GPR173: variants seen among roughly 807,000 people sequenced by gnomAD.
The protein encoded by GPR173 is probable G protein-coupled receptor 173.
GPR173 carries 2 observed loss-of-function variants against 13.9 expected under a neutral mutation model. That is an observed-to-expected ratio of 0.14 (90% CI 0.06 to 0.45). The LOEUF (loss-of-function observed/expected upper bound fraction) is 0.45, where lower values mean the gene tolerates loss of function less well. Ranked by LOEUF, GPR173 falls within the 20% of genes least tolerant of loss-of-function variation. The pLI is 0.98. For synonymous variants in GPR173, 131 were observed against 141.0 expected, an observed-to-expected ratio of 0.93 and a Z score of 0.50; for missense variants, 202 against 340.5, an observed-to-expected ratio of 0.59 and a Z score of 3.20.
intron 1 of GPR173, among the ~76,000 whole-genome samples, chrX:53,056,451 A>G (rs73208449): frequency 0.13 from 14,552 of 108,313 alleles, 829 homozygotes; most frequent in South Asian, 0.23. Context: ...ATGAATCAGG[A>G]TGTGTATATC....
chrX:53,076,589 C>A lies in GPR173; in HGVS notation c.-33C>A. ...CCATCGAGTACCGGACTGGCTGACC[C>A]CCTAGGGTTGGCAGTAGCCCCTGAC... On this transcript the variant is annotated 5_prime_UTR_variant, in exon 2 of 2. Transcript: ENST00000332582. 1 of 1,152,144 alleles carries A rather than the reference C, an allele frequency of 8.7e-7. No individual in the cohort carries two copies. The highest frequency in any genetic ancestry group is 2.0e-5 in the South Asian group (1 of 49,563). 94.9% of individuals were successfully genotyped at this position (1,152,144 alleles called of 1,213,427 possible). A position where few individuals can be genotyped will look rare whatever the true frequency, so the allele number is the denominator to read the frequency against.
intron 1 of GPR173, among the ~76,000 whole-genome samples, chrX:53,050,526 G>A (rs907242049): frequency 5.3e-5 from 6 of 112,186 alleles, no homozygotes; most frequent in African/African-American, 1.9e-4. Flanking sequence ...GCCACTTACC[G>A]AACCTCAGTT....
In GPR173 at chrX:53,064,110, T is replaced by C. The variant is rs781920135; in HGVS notation, c.-97-12415T>C. Among the ~76,000 whole-genome samples, 5 of 111,688 alleles carry C rather than the reference T, an allele frequency of 4.5e-5. No individual in the cohort carries two copies. In the East Asian group the frequency reaches 1.1e-3, roughly 25 times the overall value. On this transcript the variant is annotated intron_variant, in intron 1 of 1. Transcript: ENST00000332582. ...CTCTATTTATGGCTTTACAGGCTTT[T>C]TCTAGCCTGCTCCTCCATATTCTTT...
intron 1 of GPR173, among the ~76,000 whole-genome samples, chrX:53,052,269 A>AAC (rs202152352): frequency 1.8e-5 from 2 of 110,949 alleles, no homozygotes; most frequent in Non-Finnish European, 3.8e-5. Context: ...TGCACACAAA[A>AAC]ACACACACAC....
At position 53,080,210 on chromosome X, in the gene GPR173, A is replaced by C. The variant is rs1932514955; in HGVS notation, c.*2467A>C. The C allele has an allele frequency of 8.2e-6, 1 of 121,744 alleles. No homozygotes were observed. Among genetic ancestry groups the C allele is most frequent in the Non-Finnish European group, 1.9e-5 (1 of 52,822 alleles). 10.0% of individuals were successfully genotyped at this position (121,744 alleles called of 1,213,427 possible). A position where few individuals can be genotyped will look rare whatever the true frequency, so the allele number is the denominator to read the frequency against. On this transcript the variant is annotated 3_prime_UTR_variant, in exon 2 of 2. Coordinates refer to ENST00000332582, the MANE Select transcript of GPR173 (RefSeq NM_018969.6). Reference sequence around the variant, plus strand: ...CTAGGGGCCACTGTATGCAGCTGGGACTTTGGTCAGCTTTGACCAAATTTA... The same window carrying C: ...CTAGGGGCCACTGTATGCAGCTGGGCCTTTGGTCAGCTTTGACCAAATTTA...
Position 53,077,974 on chromosome X carries a change from T to A in GPR173, c.*231T>A, listed in dbSNP as rs1287797458. ...TTTTGTGGGGCCTGTCTCCGCTGCC[T>A]CCTTCTCCACTTCTACAATCTCATT... On this transcript the variant is annotated 3_prime_UTR_variant, in exon 2 of 2. Coordinates refer to ENST00000332582, the MANE Select transcript of GPR173 (RefSeq NM_018969.6). The A allele has an allele frequency of 2.5e-6, 1 of 399,755 alleles. No homozygotes were observed. Among genetic ancestry groups the A allele is most frequent in the African/African-American group, 2.6e-5 (1 of 38,805 alleles). 32.9% of individuals were successfully genotyped at this position (399,755 alleles called of 1,213,427 possible). A position where few individuals can be genotyped will look rare whatever the true frequency, so the allele number is the denominator to read the frequency against.
chrX:53,049,740 T>A (rs2146669540), intron 1 of GPR173, among the ~76,000 whole-genome samples: 1 of 112,042 alleles, frequency 8.9e-6, no homozygotes, highest in East Asian at 2.8e-4. Flanking sequence ...TCTGTTTTTA[T>A]CATCATGGTT....
intron 1 of GPR173, among the ~76,000 whole-genome samples, chrX:53,067,358 A>G: frequency 9.0e-6 from 1 of 111,552 alleles, no homozygotes; most frequent in African/African-American, 3.3e-5. Flanking sequence ...TAATCATACA[A>G]CCCTGTCACT....
chrX:53,070,154 T>G (rs1050173346), intron 1 of GPR173, among the ~76,000 whole-genome samples: 5 of 111,786 alleles, frequency 4.5e-5, no homozygotes, highest in Admixed American at 1.9e-4. Flanking sequence ...ATCTGTGTTG[T>G]GTCTGAATAT....
chrX:53,052,956 G>A (rs1346433866), intron 1 of GPR173, among the ~76,000 whole-genome samples: 1 of 111,537 alleles, frequency 9.0e-6, no homozygotes, highest in Non-Finnish European at 1.9e-5. Context: ...GTACATGTGT[G>A]TGAATATACC....
Position 53,078,026 on chromosome X carries a change from C to G in GPR173, c.*283C>G, listed in dbSNP as rs894004657. The G allele has an allele frequency of 2.0e-4, 63 of 316,306 alleles. No individual in the cohort carries two copies. Among genetic ancestry groups the G allele is most frequent in the African/African-American group, 1.4e-3 (50 of 36,518 alleles). 26.1% of individuals were successfully genotyped at this position (316,306 alleles called of 1,213,427 possible). A position where few individuals can be genotyped will look rare whatever the true frequency, so the allele number is the denominator to read the frequency against. ...TCTCTCTCTCTCTCTCTGTCTCTCT[C>G]TCTCTCTCTCTCTCTCTCTCAGAAG... On this transcript the variant is annotated 3_prime_UTR_variant, in exon 2 of 2. Transcript: ENST00000332582.
chrX:53,065,191 A>G (rs1312003488), intron 1 of GPR173: 4 of 112,233 alleles, frequency 3.6e-5, no homozygotes, highest in Non-Finnish European at 5.6e-5. Context: ...ATAAACTTCT[A>G]TTGTGGCCTG....
intron 1 of GPR173, chrX:53,065,365 C>T (rs1032789460): frequency 1.8e-5 from 2 of 112,014 alleles, no homozygotes; most frequent in African/African-American, 6.5e-5. Context: ...CTCAAAAACA[C>T]AAGCTTTGGG....
At chrX:53,071,336 G>A (rs782063443) in intron 1 of GPR173, among the ~76,000 whole-genome samples, 1 of 112,060 alleles carries the variant, frequency 8.9e-6, no homozygotes, top group Non-Finnish European at 1.9e-5. Context: ...GAGGCAGGAC[G>A]TGCAGGAAAA....
intron 1 of GPR173, among the ~76,000 whole-genome samples, chrX:53,059,512 C>T (rs1199652712): frequency 9.2e-6 from 1 of 109,220 alleles, no homozygotes; most frequent in Non-Finnish European, 1.9e-5. Context: ...ATGTTTTAGG[C>T]CAGGTGTGGT....
At chrX:53,072,412 C>G (rs1426243433) in intron 1 of GPR173, among the ~76,000 whole-genome samples, 1 of 105,570 alleles carries the variant, frequency 9.5e-6, no homozygotes, top group East Asian at 3.0e-4. Flanking sequence ...CTCTCTCTCT[C>G]TCTCTATTTC....
chrX:53,070,456 T>C (rs1283029759), intron 1 of GPR173, among the ~76,000 whole-genome samples: 1 of 111,847 alleles, frequency 8.9e-6, no homozygotes, highest in Non-Finnish European at 1.9e-5. Context: ...TGTCTGGAAA[T>C]GAAGTTCTTA....
At position 53,074,995 on chromosome X, in the gene GPR173, A is replaced by G. The variant is rs782448460; in HGVS notation, c.-97-1530A>G. On this transcript the variant is annotated intron_variant, in intron 1 of 1. Coordinates refer to ENST00000332582, the MANE Select transcript of GPR173 (RefSeq NM_018969.6). ...ATTCTGTTCCATCCTAGATCATACC[A>G]CATCTGGCCTCTGCTCAGAATCCTC... 3.9e-3 allele frequency among the ~76,000 whole-genome samples: 395 copies of G among 102,546 alleles called. 3 individuals carry two copies. Among genetic ancestry groups the G allele is most frequent in the African/African-American group, 0.014 (384 of 27,859 alleles). 89.0% of individuals were successfully genotyped at this position (102,546 alleles called of 115,157 possible).
intron 1 of GPR173, among the ~76,000 whole-genome samples, chrX:53,051,429 A>G (rs1011960670): frequency 1.8e-5 from 2 of 111,019 alleles, no homozygotes; most frequent in African/African-American, 6.6e-5. Context: ...GCGTGGTTGT[A>G]TATATGCTAC....
Sources: allele counts gnomAD v4.1 joint callset (sites outside exome capture counted in the v4.1 genomes callset), GRCh38; gene constraint gnomAD v4.1.1; transcripts MANE v1.5; gene names NCBI Gene and HGNC (gene_info 2026-07-23, HGNC 2026-07-21).